The following CFAP69 variants were observed in gnomAD, a reference collection of about 807,000 sequenced individuals.
The protein encoded by CFAP69 is cilia and flagella associated protein 69, also known as cilia- and flagella-associated protein 69.
Under a neutral mutation model 123.0 loss-of-function variants are expected in CFAP69, and 92 were observed. That is an observed-to-expected ratio of 0.75 (90% CI 0.63 to 0.89). The LOEUF (loss-of-function observed/expected upper bound fraction) is 0.89. Among genes scored for constraint, CFAP69 ranks in the 40% least tolerant of loss-of-function variants. CFAP69 has a pLI of 0.00. For synonymous variants in CFAP69, 380 were observed against 364.3 expected (o/e 1.04, Z -0.49); for missense variants, 1,067 against 1,096.9 (o/e 0.97, Z 0.39).
At chr7:90,251,248 T>C (rs1796970286) in intron 1 of CFAP69, among the ~76,000 whole-genome samples, 1 of 152,160 alleles carries the variant, frequency 6.6e-6, no homozygotes, top group Non-Finnish European at 1.5e-5. Context: ...GGAAGCTTTA[T>C]AGTGGTAAAA....
At position 90,245,235 on chromosome 7, in the gene CFAP69, G is replaced by T. The variant is rs1230675234; in HGVS notation, c.-190G>T. On this transcript the variant is annotated 5_prime_UTR_variant, in exon 1 of 23. Coordinates refer to ENST00000389297, the MANE Select transcript of CFAP69 (RefSeq NM_001039706.3). ...ATCAGAGGTCTGGGTCAACTGGGGG[G>T]CGGCAGCGGCGCTAAGCGGACTGTA... is the stretch of plus-strand genomic sequence containing the variant. The T allele has an allele frequency of 1.6e-6, 1 of 631,540 alleles. No individual in the cohort carries two copies. Among genetic ancestry groups the T allele is most frequent in the Non-Finnish European group, 2.4e-6 (1 of 419,296 alleles). 39.1% of individuals were successfully genotyped at this position (631,540 alleles called of 1,614,324 possible).
intron 1 of CFAP69, among the ~76,000 whole-genome samples, chr7:90,253,415 G>A (rs1396714327): frequency 6.6e-6 from 1 of 152,072 alleles, no homozygotes; most frequent in Admixed American, 6.5e-5. Context: ...TTTTGAGACG[G>A]AGTCTCACTC....
chr7:90,284,815 C>G (rs1433598069), intron 13 of CFAP69, among the ~76,000 whole-genome samples: 1 of 152,102 alleles, frequency 6.6e-6, no homozygotes, highest in Non-Finnish European at 1.5e-5. Flanking sequence ...AGATAAATAA[C>G]ACAAGATAGG....
the CFAP69 span, chr7:90,319,200 GA>G: frequency 2.6e-6 from 1 of 389,646 alleles, no homozygotes; most frequent in African/African-American, 2.1e-5. Flanking sequence ...AATGTAAAAT[GA>G]GTAAAAATGA....
At chr7:90,276,662 G>T (rs1320032773) in intron 9 of CFAP69, among the ~76,000 whole-genome samples, 1 of 152,192 alleles carries the variant, frequency 6.6e-6, no homozygotes, top group African/African-American at 2.4e-5. Context: ...TGGGGTAGAA[G>T]TGGAAGTGTT....
At chr7:90,317,930 A>G in the CFAP69 span, 5 of 152,186 alleles carry the variant, frequency 3.3e-5, no homozygotes, top group Admixed American at 6.5e-5. Flanking sequence ...GTGAAAACCT[A>G]TGGGTGAGAT....
intron 3 of CFAP69, 105 bp from the exon 4 acceptor site, chr7:90,261,842 G>A (rs2116748232): frequency 1.8e-6 from 1 of 541,258 alleles, no homozygotes; most frequent in Non-Finnish European, 3.0e-6. Flanking sequence ...ACCACATTTG[G>A]CAAAATAGTT....
At chr7:90,294,931 G>T (rs1791711102) in intron 15 of CFAP69, among the ~76,000 whole-genome samples, 2 of 152,194 alleles carry the variant, frequency 1.3e-5, no homozygotes, top group African/African-American at 4.8e-5. Flanking sequence ...TTTTGGCAGT[G>T]TGGGGAAGGT....
In CFAP69 at chr7:90,262,066, C is replaced by G; in HGVS notation, c.356+10C>G. On this transcript the variant is annotated intron_variant, in intron 4 of 22. Coordinates refer to ENST00000389297, the MANE Select transcript of CFAP69 (RefSeq NM_001039706.3). ...TCATAAAACTGTGTGGGTAAGTTAT[C>G]TTTCTTTAACTTTATTTTGTAGTAA... is the stretch of plus-strand genomic sequence containing the variant. 1 of 1,454,412 alleles carries G rather than the reference C, an allele frequency of 6.9e-7. No individual in the cohort carries two copies. Among genetic ancestry groups the G allele is most frequent in the Non-Finnish European group, 9.5e-7 (1 of 1,053,546 alleles). The allele number at this position is 1,454,412 out of a possible 1,614,324, so 90.1% of individuals were successfully genotyped here. A position where few individuals can be genotyped will look rare whatever the true frequency, so the allele number is the denominator to read the frequency against.
chr7:90,283,563 A>T (rs1301985428), intron 13 of CFAP69, among the ~76,000 whole-genome samples: 2 of 152,168 alleles, frequency 1.3e-5, no homozygotes, highest in African/African-American at 2.4e-5. Flanking sequence ...GTATCATAGA[A>T]ATACTGCATG....
chr7:90,264,045 C>T (rs1432834629), intron 4 of CFAP69, among the ~76,000 whole-genome samples: 13 of 137,448 alleles, frequency 9.5e-5, no homozygotes, highest in African/African-American at 3.5e-4. Context: ...GAGCTGAGAT[C>T]GTGCCACTGC....
At chr7:90,323,147 T>C in the CFAP69 span, among the ~76,000 whole-genome samples, 7 of 152,202 alleles carry the variant, frequency 4.6e-5, no homozygotes, top group Admixed American at 4.6e-4. Context: ...AATCTGAAAG[T>C]GATCTAGAAA....
At chr7:90,277,712 G>A (rs1203009642) in intron 11 of CFAP69, among the ~76,000 whole-genome samples, 4 of 152,136 alleles carry the variant, frequency 2.6e-5, no homozygotes, top group Non-Finnish European at 5.9e-5. Context: ...CCTCTGTGAT[G>A]CCAATCTCAA....
chr7:90,250,235 A>AGAGG (rs1267005649), intron 1 of CFAP69, among the ~76,000 whole-genome samples: 1 of 134,268 alleles, frequency 7.4e-6, no homozygotes, highest in African/African-American at 2.9e-5. Flanking sequence ...AGAGAGAGAG[A>AGAGG]CTCCTTGGTT....
chr7:90,314,211 C>T (rs1554388469), downstream of CFAP69, among the ~76,000 whole-genome samples: 2 of 151,812 alleles, frequency 1.3e-5, no homozygotes, highest in Admixed American at 1.3e-4. Flanking sequence ...ACAACAATAA[C>T]AAAAAAGGAG....
rs753838374 is a variant in CFAP69, at chr7:90,279,901, G to A, written c.1372+8G>A. 4 of 1,550,756 alleles carry A rather than the reference G, an allele frequency of 2.6e-6. No homozygotes were observed. The highest frequency in any genetic ancestry group is 2.1e-5 in the Admixed American group (1 of 46,996). ...AATGGTGTGAGAGTGAAGGTGAGTG[G>A]CCCTTCAAGATTCTTGTCAAAATTC... On this transcript the variant is annotated splice_region_variant and intron_variant, in intron 12 of 22. Transcript: ENST00000389297.
the CFAP69 span, chr7:90,319,140 A>G: frequency 2.6e-6 from 1 of 380,246 alleles, no homozygotes; most frequent in Non-Finnish European, 4.6e-6. Context: ...AGTGTATTAT[A>G]TTCCAAGATC....
rs933704284 is a variant in CFAP69 at position 90,292,761 on chromosome 7, A to G, written c.1775+4409A>G. 3.3e-5 allele frequency among the ~76,000 whole-genome samples: 5 copies of G among 152,192 alleles called. No homozygotes were observed. The South Asian group carries it at 6.2e-4, about 19-fold the overall frequency. The stretch of plus-strand genomic sequence containing the variant: ...GCAACAAGTTAAAAAAGATGATTTT[A>G]GACTTCTGTTAGTTTAGTCCACAAA... On this transcript the variant is annotated intron_variant, in intron 15 of 22. Transcript: ENST00000389297.
rs553850089 is a variant in CFAP69 at position 90,263,745 on chromosome 7, CAT to C, written c.357-1555_357-1554del. The stretch of plus-strand genomic sequence containing the variant: ...CTGTATATTGCTATTGATACATCCT[CAT>C]GTGATAGTTCTCAATACCATTTTCA... On this transcript the variant is annotated intron_variant, in intron 4 of 22. Coordinates refer to ENST00000389297, the MANE Select transcript of CFAP69 (RefSeq NM_001039706.3). Among the ~76,000 whole-genome samples, 1,011 of 152,174 alleles carry C rather than the reference CAT, an allele frequency of 6.6e-3. 10 individuals are homozygous for C. Among genetic ancestry groups the C allele is most frequent in the African/African-American group, 0.022 (905 of 41,526 alleles).
Sources: allele counts gnomAD v4.1 joint callset (sites outside exome capture counted in the v4.1 genomes callset), GRCh38; gene constraint gnomAD v4.1.1; transcripts MANE v1.5; gene names NCBI Gene and HGNC (gene_info 2026-07-23, HGNC 2026-07-21).